MXI1: variants seen among roughly 807,000 people sequenced by gnomAD.
MXI1 encodes max-interacting protein 1.
In MXI1, 18 loss-of-function variants were observed where a neutral mutation model predicts 36.9. The observed-to-expected ratio is 0.49, with a 90% CI of 0.34 to 0.72. The LOEUF (loss-of-function observed/expected upper bound fraction) is 0.72. Among genes scored for constraint, MXI1 ranks in the 30% least tolerant of loss-of-function variants. The probability of loss-of-function intolerance (pLI) is 0.01; values close to 1 mark genes in which losing one functional copy is unlikely to be tolerated. For synonymous variants in MXI1, 160 were observed against 146.7 expected (o/e 1.09, Z -0.65); for missense variants, 304 against 379.1 (o/e 0.80, Z 1.64).
At chr10:110,275,237 C>T (rs1383183737) in intron 3 of MXI1, among the ~76,000 whole-genome samples, 1 of 152,050 alleles carries the variant, frequency 6.6e-6, no homozygotes, top group Non-Finnish European at 1.5e-5. Flanking sequence ...CTTTTTCCTT[C>T]CCCCAAAGTC....
rs184062401 is a variant in MXI1, at chr10:110,241,842, T to C, written c.408-2986T>C. Among the ~76,000 whole-genome samples, 28 of 152,112 alleles carry C rather than the reference T, an allele frequency of 1.8e-4. No individual in the cohort carries two copies. In the East Asian group the frequency reaches 5.0e-3, roughly 27 times the overall value. ...AATACTTATTAGGAGCTAGATGTTT[T>C]TACATCTGTTTCTCTAATTCTCACA... On this transcript the variant is annotated intron_variant, in intron 2 of 5. Transcript: ENST00000332674.
At chr10:110,261,507 G>A (rs1856512443) in intron 3 of MXI1, among the ~76,000 whole-genome samples, 1 of 151,104 alleles carries the variant, frequency 6.6e-6, no homozygotes, top group Non-Finnish European at 1.5e-5. Context: ...ATCATATTGT[G>A]GTTTACAGAC....
At chr10:110,247,045 T>C (rs1855892941) in intron 3 of MXI1, among the ~76,000 whole-genome samples, 2 of 152,158 alleles carry the variant, frequency 1.3e-5, no homozygotes, top group Non-Finnish European at 2.9e-5. Context: ...TTGGGAGACC[T>C]TCATTGGAAA....
At chr10:110,260,757 A>C (rs1202061769) in intron 3 of MXI1, among the ~76,000 whole-genome samples, 4 of 152,042 alleles carry the variant, frequency 2.6e-5, no homozygotes, top group Non-Finnish European at 5.9e-5. Flanking sequence ...ACATACACAC[A>C]CTCATATGGA....
In MXI1 at chr10:110,271,867, A is replaced by C. The variant is rs77074947; in HGVS notation, c.438-7313A>C. On this transcript the variant is annotated intron_variant, in intron 3 of 5. Coordinates refer to ENST00000332674, the MANE Select transcript of MXI1 (RefSeq NM_130439.3). ...TTCTGAGTTGTAAAGACTAAATGAC[A>C]TTTCAGCCTATGTGGTATCTGTGTA... Among the ~76,000 whole-genome samples, 305 of 152,320 alleles carry C rather than the reference A, an allele frequency of 2.0e-3. 1 individual carries two copies. Among genetic ancestry groups the C allele is most frequent in the African/African-American group, 7.1e-3 (295 of 41,556 alleles).
intron 2 of MXI1, among the ~76,000 whole-genome samples, chr10:110,233,502 AT>A (rs530396955): frequency 7.9e-4 from 120 of 151,768 alleles, no homozygotes; most frequent in African/African-American, 2.9e-3. Flanking sequence ...TTTTTGTGTA[AT>A]TTTTTTCTAC....
chr10:110,242,619 A>G (rs1855711367), intron 2 of MXI1, among the ~76,000 whole-genome samples: 1 of 152,022 alleles, frequency 6.6e-6, no homozygotes, highest in Non-Finnish European at 1.5e-5. Flanking sequence ...TTTTCTTTAA[A>G]AAAAGATAAT....
chr10:110,238,586 G>A (rs1054521540), intron 2 of MXI1, among the ~76,000 whole-genome samples: 2 of 152,108 alleles, frequency 1.3e-5, no homozygotes, highest in Non-Finnish European at 2.9e-5. Flanking sequence ...TTTGGAAAAT[G>A]TTCCCTCTCT....
Position 110,279,149 on chromosome 10 carries a change from CTG to C in MXI1, c.438-28_438-27del, listed in dbSNP as rs555038944. ...TGATATTTCTAGTGAAATAACCAGA[CTG>C]TGCTGATTTGACTTTTTGTCTTTCT... On this transcript the variant is annotated intron_variant, in intron 3 of 5. Coordinates refer to ENST00000332674, the MANE Select transcript of MXI1 (RefSeq NM_130439.3). 3,434 of 1,473,484 alleles carry C rather than the reference CTG, an allele frequency of 2.3e-3. 12 individuals are homozygous for C. Among genetic ancestry groups the C allele is most frequent in the Non-Finnish European group, 3.1e-3 (3,273 of 1,054,796 alleles). 91.3% of individuals were successfully genotyped at this position (1,473,484 alleles called of 1,614,324 possible). A position where few individuals can be genotyped will look rare whatever the true frequency, so the allele number is the denominator to read the frequency against.
At position 110,207,988 on chromosome 10, in the gene MXI1, C is replaced by T; in HGVS notation, c.180C>T (p.Asn60=). Residue 60 remains asparagine, a synonymous_variant, in exon 1 of 6, where the codon AAC becomes AAT. Coordinates refer to ENST00000332674, the MANE Select transcript of MXI1 (RefSeq NM_130439.3). ...CAGACATTTTCAACACCAGCGAGAA[C>T]TCGATGGAGAAGCACATCAACACTT... ...PFSDIFNTSE[N]SMEKHINTFL... 1 of 1,602,452 alleles carries T rather than the reference C, an allele frequency of 6.2e-7. No individual in the cohort carries two copies. Among genetic ancestry groups the T allele is most frequent in the South Asian group, 1.1e-5 (1 of 89,540 alleles).
chr10:110,280,646 C>G (rs1198454315), intron 5 of MXI1, among the ~76,000 whole-genome samples: 1 of 149,844 alleles, frequency 6.7e-6, no homozygotes, highest in Non-Finnish European at 1.5e-5. Flanking sequence ...TGCCACTGCG[C>G]TCCAGCCTGG....
At chr10:110,272,895 T>C (rs1013481519) in intron 3 of MXI1, among the ~76,000 whole-genome samples, 2 of 151,998 alleles carry the variant, frequency 1.3e-5, no homozygotes, top group South Asian at 4.1e-4. Context: ...ACTACCACAA[T>C]CAGATCTGAC....
intron 1 of MXI1, among the ~76,000 whole-genome samples, chr10:110,224,588 A>G (rs1481837951): frequency 1.3e-5 from 2 of 150,064 alleles, no homozygotes; most frequent in Non-Finnish European, 3.0e-5. Context: ...AGGATTTTTT[A>G]GGTGGAGGAC....
At chr10:110,257,894 G>GAA in intron 3 of MXI1, 6 of 233,706 alleles carry the variant, frequency 2.6e-5, no homozygotes, top group Admixed American at 4.8e-5. Context: ...AAACCCTCTG[G>GAA]AAAAAAAAAT....
At chr10:110,280,481 C>A (rs1204585345) in intron 5 of MXI1, among the ~76,000 whole-genome samples, 1 of 151,722 alleles carries the variant, frequency 6.6e-6, no homozygotes, top group African/African-American at 2.4e-5. Flanking sequence ...GAGATCGAGG[C>A]CATCCTGGCT....
chr10:110,255,818 T>C (rs115934219), intron 3 of MXI1, among the ~76,000 whole-genome samples: 2,981 of 152,224 alleles, frequency 0.02, 101 homozygotes, highest in African/African-American at 0.069. Context: ...AATTGACAGC[T>C]GATAATATAA....
intron 1 of MXI1, among the ~76,000 whole-genome samples, chr10:110,212,746 C>T (rs769923871): frequency 6.6e-6 from 1 of 152,176 alleles, no homozygotes; most frequent in Non-Finnish European, 1.5e-5. Context: ...TGTCAAACAA[C>T]TCAATGAGGC....
chr10:110,264,342 C>T (rs1856616230), intron 3 of MXI1, among the ~76,000 whole-genome samples: 1 of 150,960 alleles, frequency 6.6e-6, no homozygotes, highest in Non-Finnish European at 1.5e-5. Flanking sequence ...ATTTGCTGTG[C>T]TTAGAAAGAA....
At chr10:110,212,648 T>A (rs1421246730) in intron 1 of MXI1, among the ~76,000 whole-genome samples, 1 of 152,238 alleles carries the variant, frequency 6.6e-6, no homozygotes, top group Non-Finnish European at 1.5e-5. Flanking sequence ...GCTTACTGGC[T>A]TTGTGACTTT....
Sources: gnomAD v4.1 joint callset for allele counts (sites outside exome capture counted in the v4.1 genomes callset) on GRCh38, gnomAD v4.1.1 for gene constraint, MANE v1.5 for transcripts, NCBI Gene and HGNC (gene_info 2026-07-23, HGNC 2026-07-21) for gene names.